CFAP54: variants seen among roughly 807,000 people sequenced by gnomAD.
The protein encoded by CFAP54 is cilia- and flagella-associated protein 54.
In CFAP54, 290 loss-of-function variants were observed where a neutral mutation model predicts 370.4. That is an observed-to-expected ratio of 0.78 (90% CI 0.71 to 0.86). The LOEUF is 0.86. CFAP54 is among the 40% of genes least tolerant of loss of function. CFAP54 has a pLI of 0.00. For synonymous variants in CFAP54, 1,206 were observed against 1,236.5 expected (o/e 0.98, Z 0.52); for missense variants, 3,399 against 3,528.7 (o/e 0.96, Z 0.93).
At chr12:96,782,566 T>C (rs886593064) in intron 60 of CFAP54, among the ~76,000 whole-genome samples, 1 of 152,108 alleles carries the variant, frequency 6.6e-6, no homozygotes, top group African/African-American at 2.4e-5. Context: ...CTAACCAAAG[T>C]TGTGAAACAA....
At position 96,790,284 on chromosome 12, in the gene CFAP54, C is replaced by CTG; in HGVS notation, c.8680-2042_8680-2041dup. On this transcript the variant is annotated intron_variant, in intron 62 of 67. Transcript: ENST00000524981. ...GTGAGCTGCTTTATTGTTTATAGGA[C>CTG]TGTGGCAAACCAAGGTTCTCCTGGT... is the stretch of plus-strand genomic sequence containing the variant. 3.3e-5 allele frequency among the ~76,000 whole-genome samples: 5 copies of CTG among 151,846 alleles called. 1 individual carries two copies. The highest frequency in any genetic ancestry group is 1.2e-4 in the African/African-American group (5 of 41,416).
chr12:96,686,871 C>T (rs1302875456), intron 42 of CFAP54, among the ~76,000 whole-genome samples: 6 of 152,136 alleles, frequency 3.9e-5, no homozygotes, highest in Non-Finnish European at 2.9e-5. Flanking sequence ...GTCCTTTTTG[C>T]TGCTGTAACA....
At chr12:96,793,576 T>C (rs1958726814) in intron 63 of CFAP54, among the ~76,000 whole-genome samples, 1 of 152,202 alleles carries the variant, frequency 6.6e-6, no homozygotes, top group Admixed American at 6.5e-5. Flanking sequence ...TAGTCAGTAG[T>C]GGGATTGCTA....
intron 65 of CFAP54, among the ~76,000 whole-genome samples, chr12:96,828,180 T>G (rs545858528): frequency 6.7e-6 from 1 of 149,666 alleles, no homozygotes; most frequent in Admixed American, 6.9e-5. Flanking sequence ...TATGTAGTTA[T>G]GACTTCTTCA....
chr12:96,550,904 G>A (rs1320904062), intron 15 of CFAP54, among the ~76,000 whole-genome samples: 1 of 152,188 alleles, frequency 6.6e-6, no homozygotes, highest in African/African-American at 2.4e-5. Flanking sequence ...GAAAGATGGG[G>A]GTTGGAAAGG....
In CFAP54 at chr12:96,792,243, T is replaced by C; in HGVS notation, c.8680-86T>C. 4.2e-6 allele frequency: 5 copies of C among 1,194,898 alleles called. No homozygotes were observed. The South Asian group carries it at 8.9e-5, about 21-fold the overall frequency. The allele number at this position is 1,194,898 out of a possible 1,614,324, so 74.0% of individuals were successfully genotyped here. ...AAAACAAGCTGAGACAATCCCAGAA[T>C]TTTTCAATATAGCCAAATAATTTGT... On this transcript the variant is annotated intron_variant, in intron 62 of 67. Coordinates refer to ENST00000524981, the MANE Select transcript of CFAP54 (RefSeq NM_001306084.2).
intron 46 of CFAP54, among the ~76,000 whole-genome samples, chr12:96,704,295 C>T (rs940436835): frequency 5.3e-5 from 8 of 150,652 alleles, no homozygotes; most frequent in South Asian, 2.1e-4. Flanking sequence ...GACGTGGTGG[C>T]GGGCACCTGT....
chr12:96,660,980 C>T (rs1041825642), intron 38 of CFAP54, among the ~76,000 whole-genome samples: 3 of 152,098 alleles, frequency 2.0e-5, no homozygotes, highest in Admixed American at 1.3e-4. Flanking sequence ...TAGGGTGAGG[C>T]AGAGGGGAAG....
chr12:96,578,436 G>A (rs1956001534), intron 20 of CFAP54, among the ~76,000 whole-genome samples: 2 of 152,166 alleles, frequency 1.3e-5, no homozygotes, highest in Admixed American at 1.3e-4. Flanking sequence ...CACTGATTTT[G>A]GAAAATTAGT....
At chr12:96,579,852 T>C (rs1218206829) in intron 20 of CFAP54, among the ~76,000 whole-genome samples, 3 of 151,990 alleles carry the variant, frequency 2.0e-5, no homozygotes, top group Admixed American at 6.6e-5. Flanking sequence ...TTATATTTTA[T>C]GTTTGATTTA....
At chr12:96,812,493 A>G (rs1396527572) in intron 64 of CFAP54, among the ~76,000 whole-genome samples, 2 of 151,986 alleles carry the variant, frequency 1.3e-5, no homozygotes, top group African/African-American at 4.8e-5. Context: ...TTTTGACTCC[A>G]TTGTTCATTG....
chr12:96,658,149 GAAA>G (rs372079822), intron 37 of CFAP54, 44 bp downstream of exon 37: 1 of 1,332,446 alleles, frequency 7.5e-7, no homozygotes, highest in South Asian at 1.4e-5. Context: ...AGACTTCATT[GAAA>G]AAAAAAAAAG....
At chr12:96,579,255 C>T (rs1476924650) in intron 20 of CFAP54, among the ~76,000 whole-genome samples, 1 of 151,572 alleles carries the variant, frequency 6.6e-6, no homozygotes, top group Non-Finnish European at 1.5e-5. Context: ...CCTGTTCTGC[C>T]TTTGACTAGT....
At chr12:96,566,026 T>TGCCAGAGAG (rs1955862674) in intron 19 of CFAP54, among the ~76,000 whole-genome samples, 1 of 152,182 alleles carries the variant, frequency 6.6e-6, no homozygotes, top group Admixed American at 6.6e-5. Flanking sequence ...ACTCATTCTC[T>TGCCAGAGAG]CTCCTGCTGA....
At chr12:96,837,882 A>G (rs1377046690) in intron 66 of CFAP54, among the ~76,000 whole-genome samples, 2 of 152,216 alleles carry the variant, frequency 1.3e-5, no homozygotes, top group Non-Finnish European at 2.9e-5. Context: ...AAGCAATTAC[A>G]GTACATGGTT....
chr12:96,730,038 C>G (rs941372486), intron 50 of CFAP54, among the ~76,000 whole-genome samples: 1 of 152,142 alleles, frequency 6.6e-6, no homozygotes, highest in Non-Finnish European at 1.5e-5. Context: ...CTCTTTTTCT[C>G]TAATACAGAA....
At chr12:96,687,590 A>G (rs1170448545) in intron 42 of CFAP54, among the ~76,000 whole-genome samples, 1 of 152,148 alleles carries the variant, frequency 6.6e-6, no homozygotes, top group Non-Finnish European at 1.5e-5. Context: ...AACTGTTCCT[A>G]GGTAGTGATC....
At chr12:96,709,701 T>TTTATTATTATTA (rs71068827) in intron 48 of CFAP54, among the ~76,000 whole-genome samples, 15,686 of 143,988 alleles carry the variant, frequency 0.11, 1,069 homozygotes, top group East Asian at 0.3. Flanking sequence ...TTGATCATGG[T>TTTATTATTATTA]TTATTATTAT....
intron 30 of CFAP54, among the ~76,000 whole-genome samples, chr12:96,627,974 A>T (rs1228540666): frequency 1.3e-5 from 2 of 152,200 alleles, no homozygotes; most frequent in Non-Finnish European, 2.9e-5. Flanking sequence ...CCATGTTTGG[A>T]TATGTTTAGA....
Sources: gnomAD v4.1 joint callset for allele counts (sites outside exome capture counted in the v4.1 genomes callset) on GRCh38, gnomAD v4.1.1 for gene constraint, MANE v1.5 for transcripts, NCBI Gene and HGNC (gene_info 2026-07-23, HGNC 2026-07-21) for gene names.